The following UBE2D3 variants were observed in gnomAD, a reference collection of about 807,000 sequenced individuals.
UBE2D3 encodes ubiquitin conjugating enzyme E2 D3.
Under a neutral mutation model 22.8 loss-of-function variants are expected in UBE2D3, and 2 were observed. The observed-to-expected ratio is 0.09, with a 90% CI of 0.04 to 0.28. UBE2D3 has a LOEUF of 0.28. Among genes scored for constraint, UBE2D3 ranks in the 10% least tolerant of loss-of-function variants. The pLI is 1.00. For missense variants in UBE2D3, 27 were observed against 182.5 expected (o/e 0.15, Z 4.91); for synonymous variants, 56 against 60.4 (o/e 0.93, Z 0.34).
intron 1 of UBE2D3, among the ~76,000 whole-genome samples, chr4:102,861,158 C>T (rs980363597): frequency 1.3e-5 from 2 of 151,932 alleles, no homozygotes; most frequent in African/African-American, 2.4e-5. Context: ...AACTCATGGG[C>T]CAAAAGGGCC....
At chr4:102,831,140 A>G (rs1461130037), upstream of UBE2D3, among the ~76,000 whole-genome samples, 1 of 152,192 alleles carries the variant, frequency 6.6e-6, no homozygotes, top group African/African-American at 2.4e-5. Context: ...CCATTTTATT[A>G]GTTTAATTAA....
chr4:102,864,920 A>G (rs1010493427), intron 1 of UBE2D3, among the ~76,000 whole-genome samples: 14 of 152,246 alleles, frequency 9.2e-5, no homozygotes, highest in African/African-American at 3.4e-4. Context: ...CACAAAAACA[A>G]GTTTAACTCT....
chr4:102,811,768 T>C (rs781253686), intron 2 of UBE2D3: 1 of 447,672 alleles, frequency 2.2e-6, no homozygotes. Flanking sequence ...ATAAAAAAGA[T>C]ACAACAGAGA....
intron 1 of UBE2D3, among the ~76,000 whole-genome samples, chr4:102,866,319 G>C (rs187363472): frequency 6.6e-6 from 1 of 152,206 alleles, no homozygotes; most frequent in African/African-American, 2.4e-5. Flanking sequence ...TAGCAAACCA[G>C]CTATTCACAT....
Position 102,826,804 on chromosome 4 carries a change from G to A in UBE2D3, c.-128-168C>T, listed in dbSNP as rs550009465. 58 of 1,239,190 alleles carry A rather than the reference G, an allele frequency of 4.7e-5. No homozygotes were observed. The East Asian group carries it at 2.2e-3, about 46-fold the overall frequency. 76.8% of individuals were successfully genotyped at this position (1,239,190 alleles called of 1,614,324 possible). A position where few individuals can be genotyped will look rare whatever the true frequency, so the allele number is the denominator to read the frequency against. On this transcript the variant is annotated intron_variant, in intron 1 of 7. Coordinates refer to ENST00000453744, the MANE Select transcript of UBE2D3 (RefSeq NM_181891.3). ...CCCGAAGTGGGGGCGAGGGTGACGG[G>A]AAGAGCGGAGGTGGTGGCTACAAGT...
At chr4:102,809,895 A>T in intron 2 of UBE2D3, 40 bp from the exon 3 acceptor site, 1 of 1,562,826 alleles carries the variant, frequency 6.4e-7, no homozygotes, top group Non-Finnish European at 8.6e-7. Flanking sequence ...CATAAGCTTA[A>T]TTTAAGAAAA....
At chr4:102,822,956 A>G (rs974616967) in intron 2 of UBE2D3, among the ~76,000 whole-genome samples, 1 of 152,102 alleles carries the variant, frequency 6.6e-6, no homozygotes, top group Non-Finnish European at 1.5e-5. Context: ...AAAAAAAGGA[A>G]TTGAAATGGT....
chr4:102,813,393 A>G (rs527477940), intron 2 of UBE2D3, among the ~76,000 whole-genome samples: 1 of 152,362 alleles, frequency 6.6e-6, no homozygotes, highest in Non-Finnish European at 1.5e-5. Flanking sequence ...TGTAAAATTA[A>G]ACAATGAATT....
At chr4:102,829,621 T>A (rs1731001224), upstream of UBE2D3, among the ~76,000 whole-genome samples, 1 of 152,174 alleles carries the variant, frequency 6.6e-6, no homozygotes, top group Admixed American at 6.5e-5. Context: ...AAGTAACCAG[T>A]CAGACATTAA....
intron 2 of UBE2D3, among the ~76,000 whole-genome samples, chr4:102,821,385 C>A (rs1012923477): frequency 1.3e-5 from 2 of 152,050 alleles, no homozygotes; most frequent in African/African-American, 4.8e-5. Flanking sequence ...TGTTTACATG[C>A]TTATTTTCAC....
intron 1 of UBE2D3, among the ~76,000 whole-genome samples, chr4:102,834,198 A>G (rs1454532094): frequency 3.3e-5 from 5 of 152,150 alleles, no homozygotes; most frequent in Admixed American, 3.3e-4. Flanking sequence ...CCCCTTTTCT[A>G]CAGAGAAGAG....
chr4:102,833,110 A>G (rs1020724947), intron 1 of UBE2D3, among the ~76,000 whole-genome samples: 7 of 152,004 alleles, frequency 4.6e-5, no homozygotes, highest in African/African-American at 9.7e-5. Flanking sequence ...CTACGAAACT[A>G]AAGTTTACAT....
At chr4:102,865,654 T>C (rs1214755696) in intron 1 of UBE2D3, among the ~76,000 whole-genome samples, 1 of 152,070 alleles carries the variant, frequency 6.6e-6, no homozygotes. Flanking sequence ...AGCAGACTAG[T>C]AGGCATTTGG....
intron 4 of UBE2D3, among the ~76,000 whole-genome samples, chr4:102,803,808 G>A (rs1440751342): frequency 3.3e-5 from 5 of 152,144 alleles, no homozygotes; most frequent in Admixed American, 1.3e-4. Context: ...TCACTCTGTC[G>A]CTCAGGCTTA....
chr4:102,853,494 C>G (rs938442607), intron 1 of UBE2D3, among the ~76,000 whole-genome samples: 2 of 151,826 alleles, frequency 1.3e-5, no homozygotes, highest in Non-Finnish European at 2.9e-5. Flanking sequence ...TACTAAGCAG[C>G]CATTAAAAGA....
intron 1 of UBE2D3, among the ~76,000 whole-genome samples, chr4:102,835,917 T>C (rs1370814970): frequency 1.3e-5 from 2 of 152,104 alleles, no homozygotes; most frequent in African/African-American, 2.4e-5. Context: ...CTCTGATCTA[T>C]TTTCTGTCAC....
chr4:102,832,505 C>A (rs1048036681), upstream of UBE2D3, among the ~76,000 whole-genome samples: 1 of 151,850 alleles, frequency 6.6e-6, no homozygotes, highest in African/African-American at 2.4e-5. Context: ...GAAGCATGTG[C>A]CCAAAGTATG....
chr4:102,843,363 C>T (rs1229722926), intron 1 of UBE2D3: 1 of 151,654 alleles, frequency 6.6e-6, no homozygotes, highest in Non-Finnish European at 1.5e-5. Flanking sequence ...AGAGATGTAA[C>T]ACCTGACCAT....
At chr4:102,811,697 A>G in intron 2 of UBE2D3, 1 of 397,324 alleles carries the variant, frequency 2.5e-6, no homozygotes, top group Non-Finnish European at 4.8e-6. Context: ...AACCCCAGAA[A>G]AGCTGAACGT....
Sources: gnomAD v4.1 joint callset for allele counts (sites outside exome capture counted in the v4.1 genomes callset) on GRCh38, gnomAD v4.1.1 for gene constraint, MANE v1.5 for transcripts, NCBI Gene and HGNC (gene_info 2026-07-23, HGNC 2026-07-21) for gene names.